The following MYO16 variants were observed in gnomAD, a reference collection of about 807,000 sequenced individuals.
The protein encoded by MYO16 is unconventional myosin-XVI.
MYO16 carries 94 observed loss-of-function variants against 205.3 expected under a neutral mutation model. That is an observed-to-expected ratio of 0.46 (90% CI 0.39 to 0.54). The LOEUF (loss-of-function observed/expected upper bound fraction) is 0.54, where lower values mean the gene tolerates loss of function less well. Among genes scored for constraint, MYO16 ranks in the 20% least tolerant of loss-of-function variants. The pLI, the probability that MYO16 is intolerant of heterozygous loss-of-function variation, is 0.00. For synonymous variants in MYO16, 988 were observed against 954.0 expected, an observed-to-expected ratio of 1.04 and a Z score of -0.66; for missense variants, 2,315 against 2,387.5, an observed-to-expected ratio of 0.97 and a Z score of 0.63.
Position 108,803,031 on chromosome 13 carries a change from G to A in MYO16, c.742-3648G>A, listed in dbSNP as rs182360937. On this transcript the variant is annotated intron_variant, in intron 6 of 34. Coordinates refer to ENST00000457511, the MANE Select transcript of MYO16 (RefSeq NM_001198950.3). Reference sequence around the variant, plus strand: ...GAGAAGCGAAGCATTTATCTAGAAAGTCCAATTGTCAGTATCTTTAGTGTC... The same window carrying A: ...GAGAAGCGAAGCATTTATCTAGAAAATCCAATTGTCAGTATCTTTAGTGTC... Among the ~76,000 whole-genome samples, 6 of 152,274 alleles carry A rather than the reference G, an allele frequency of 3.9e-5. No individual in the cohort carries two copies. In the East Asian group the frequency reaches 9.6e-4, roughly 24 times the overall value.
intron 27 of MYO16, among the ~76,000 whole-genome samples, chr13:109,100,082 A>C (rs1301529276): frequency 1.3e-5 from 2 of 152,140 alleles, no homozygotes; most frequent in African/African-American, 2.4e-5. Flanking sequence ...CCTCCATTGC[A>C]ACCTTGCCTG....
At chr13:108,529,416 T>C in the MYO16 span, among the ~76,000 whole-genome samples, 3 of 152,210 alleles carry the variant, frequency 2.0e-5, no homozygotes, top group Non-Finnish European at 2.9e-5. Context: ...TTTTTTTTAA[T>C]CTTACTAAAG....
chr13:108,499,425 A>G, the MYO16 span, among the ~76,000 whole-genome samples: 4 of 152,176 alleles, frequency 2.6e-5, no homozygotes, highest in Admixed American at 2.6e-4. Context: ...TGGGGCTGGG[A>G]CCACAACCTT....
chr13:108,838,915 T>C (rs1877090592), intron 9 of MYO16, among the ~76,000 whole-genome samples: 1 of 152,056 alleles, frequency 6.6e-6, no homozygotes, highest in African/African-American at 2.4e-5. Context: ...GTGGTGCTTG[T>C]GGAAGGAAGA....
chr13:108,502,054 A>G, the MYO16 span, among the ~76,000 whole-genome samples: 7 of 152,156 alleles, frequency 4.6e-5, no homozygotes, highest in Non-Finnish European at 8.8e-5. Context: ...TCTACTAAAA[A>G]TACAAAAAAT....
At chr13:108,852,627 G>A (rs139301445) in intron 10 of MYO16, among the ~76,000 whole-genome samples, 222 of 152,256 alleles carry the variant, frequency 1.5e-3, no homozygotes, top group African/African-American at 5.0e-3. Flanking sequence ...TGAGAACAGC[G>A]CGGACAGACC....
At chr13:108,785,560 G>C (rs1294173067) in intron 4 of MYO16, 75 bp from the exon 5 acceptor site, 1 of 805,900 alleles carries the variant, frequency 1.2e-6, no homozygotes, top group Non-Finnish European at 1.9e-6. Flanking sequence ...TCCCAACTAA[G>C]ATTGAAGTAC....
In MYO16 at chr13:109,147,962, T is replaced by C. The variant is rs78196446; in HGVS notation, c.5164+6586T>C. ...GCAGGAGCTGTGTGAAGTTTCTTCC[T>C]TTGCCATGTTAATAGACCTGGGCTT... is the stretch of plus-strand genomic sequence containing the variant. On this transcript the variant is annotated intron_variant, in intron 32 of 34. Coordinates refer to ENST00000457511, the MANE Select transcript of MYO16 (RefSeq NM_001198950.3). 4.0e-3 allele frequency among the ~76,000 whole-genome samples: 613 copies of C among 152,246 alleles called. 10 individuals carry two copies. In the East Asian group the frequency reaches 0.052, roughly 13 times the overall value.
At chr13:108,800,336 G>A (rs1886933675) in intron 6 of MYO16, among the ~76,000 whole-genome samples, 1 of 151,966 alleles carries the variant, frequency 6.6e-6, no homozygotes, top group African/African-American at 2.4e-5. Context: ...AAATTGGGAG[G>A]AACTCTCATC....
intron 14 of MYO16, among the ~76,000 whole-genome samples, chr13:108,893,546 T>C (rs1240025191): frequency 6.6e-6 from 1 of 152,068 alleles, no homozygotes; most frequent in Non-Finnish European, 1.5e-5. Flanking sequence ...ATTAAGGAAA[T>C]GAGTAGAAAA....
intron 33 of MYO16, among the ~76,000 whole-genome samples, chr13:109,165,826 C>G (rs1346221951): frequency 6.6e-6 from 1 of 152,158 alleles, no homozygotes; most frequent in South Asian, 2.1e-4. Context: ...TGACTGCCTT[C>G]TCAAATTACA....
intron 9 of MYO16, among the ~76,000 whole-genome samples, chr13:108,828,351 G>C (rs968551280): frequency 6.6e-6 from 1 of 152,166 alleles, no homozygotes; most frequent in African/African-American, 2.4e-5. Context: ...CTTATGGGCA[G>C]AGACTCCAGA....
chr13:108,651,446 G>A (rs1324688263), intron 1 of MYO16, among the ~76,000 whole-genome samples: 1 of 152,186 alleles, frequency 6.6e-6, no homozygotes, highest in Non-Finnish European at 1.5e-5. Context: ...ATCACTTGTT[G>A]TTTACGAAAT....
intron 12 of MYO16, among the ~76,000 whole-genome samples, chr13:108,879,951 T>C (rs573858826): frequency 9.8e-5 from 15 of 152,346 alleles, no homozygotes; most frequent in African/African-American, 3.6e-4. Flanking sequence ...TCTTCCACAA[T>C]GGTTGAACTA....
chr13:108,897,513 A>G (rs987986566), intron 14 of MYO16, among the ~76,000 whole-genome samples: 1 of 152,284 alleles, frequency 6.6e-6, no homozygotes, highest in African/African-American at 2.4e-5. Context: ...TACAGGGAGG[A>G]TAAATGGGGG....
intron 1 of MYO16, among the ~76,000 whole-genome samples, chr13:108,647,369 C>T (rs1880800489): frequency 6.6e-6 from 1 of 152,126 alleles, no homozygotes; most frequent in African/African-American, 2.4e-5. Context: ...TGATGGACTC[C>T]ACTATTTTTT....
rs35790433 is a variant in MYO16 at position 108,676,372 on chromosome 13, C to CGTGTGTGTGTGTGT, written c.292+10245_292+10258dup. On this transcript the variant is annotated intron_variant, in intron 2 of 34. Transcript: ENST00000457511. ...CTGCTAATGTGTGATTATATGTACG[C>CGTGTGTGTGTGTGT]GTGTGTGTGTGTGTGTGTGTGTGTG... is the stretch of plus-strand genomic sequence containing the variant. Among the ~76,000 whole-genome samples the CGTGTGTGTGTGTGT allele has an allele frequency of 9.9e-4, 130 of 131,744 alleles. No individual in the cohort carries two copies. In the Middle Eastern group the frequency reaches 0.016, roughly 16 times the overall value. The allele number at this position is 131,744 out of a possible 152,430, so 86.4% of individuals were successfully genotyped here.
chr13:109,207,005 TTTG>T lies in MYO16; in HGVS notation c.*171_*173del. On this transcript the variant is annotated 3_prime_UTR_variant, in exon 35 of 35. Transcript: ENST00000457511. ...GAGATCCCGTGTGTGTGTGTGTGTGTTTGTGTGTGTGTGTGTGGGTTCTTTCTT... is the reference window on the plus strand; with the variant it reads ...GAGATCCCGTGTGTGTGTGTGTGTGTTGTGTGTGTGTGTGGGTTCTTTCTT... 4 of 316,968 alleles carry T rather than the reference TTTG, an allele frequency of 1.3e-5. No individual in the cohort carries two copies. The highest frequency in any genetic ancestry group is 8.0e-5 in the South Asian group (2 of 24,902). 19.6% of individuals were successfully genotyped at this position (316,968 alleles called of 1,614,324 possible).
intron 1 of MYO16, among the ~76,000 whole-genome samples, chr13:108,604,894 G>T (rs558277080): frequency 1.9e-4 from 29 of 152,240 alleles, no homozygotes; most frequent in African/African-American, 6.7e-4. Context: ...TGAGTAAATG[G>T]CTGGATGCAT....
Sources: allele counts gnomAD v4.1 joint callset (sites outside exome capture counted in the v4.1 genomes callset), GRCh38; gene constraint gnomAD v4.1.1; transcripts MANE v1.5; gene names NCBI Gene and HGNC (gene_info 2026-07-23, HGNC 2026-07-21).